DRAM1: variants seen among roughly 807,000 people sequenced by gnomAD.
DRAM1 encodes the protein DNA damage-regulated autophagy modulator protein 1.
DRAM1 carries 25 observed loss-of-function variants against 28.5 expected under a neutral mutation model. The ratio of observed to expected loss-of-function variants is 0.88; its 90% CI spans 0.64 to 1.23. The LOEUF (loss-of-function observed/expected upper bound fraction) is 1.23. DRAM1 is among the 50% of genes most tolerant of loss of function. DRAM1 has a pLI of 0.00. For synonymous variants in DRAM1, 113 were observed against 114.2 expected (o/e 0.99, Z 0.07); for missense variants, 249 against 299.2 (o/e 0.83, Z 1.24).
At chr12:101,918,331 A>G (rs1874335091) in intron 5 of DRAM1, among the ~76,000 whole-genome samples, 1 of 152,236 alleles carries the variant, frequency 6.6e-6, no homozygotes, top group Admixed American at 6.5e-5. Context: ...TATCATGCTT[A>G]AGAAATTCCC....
chr12:101,920,741 G>A (rs974860315), intron 6 of DRAM1, among the ~76,000 whole-genome samples: 22 of 151,888 alleles, frequency 1.4e-4, no homozygotes, highest in African/African-American at 4.4e-4. Flanking sequence ...GAGAAACCCC[G>A]TCTCTACTAA....
At chr12:101,882,030 G>T (rs1459520021) in intron 1 of DRAM1, among the ~76,000 whole-genome samples, 1 of 151,970 alleles carries the variant, frequency 6.6e-6, no homozygotes, top group East Asian at 1.9e-4. Context: ...CTGTTTGGTG[G>T]CTAGTCAGTG....
intron 1 of DRAM1, among the ~76,000 whole-genome samples, chr12:101,887,827 C>G (rs549746397): frequency 6.6e-6 from 1 of 152,156 alleles, no homozygotes; most frequent in Non-Finnish European, 1.5e-5. Context: ...GCATGAGCCA[C>G]TGTGCCTGGC....
intron 1 of DRAM1, among the ~76,000 whole-genome samples, chr12:101,889,646 A>G (rs150670256): frequency 4.6e-5 from 7 of 152,332 alleles, no homozygotes; most frequent in African/African-American, 1.7e-4. Flanking sequence ...CATCTTTAAG[A>G]TGGCAATAGT....
In DRAM1 at chr12:101,897,847, T is replaced by G; in HGVS notation, c.132-16T>G. 1 of 1,596,102 alleles carries G rather than the reference T, an allele frequency of 6.3e-7. No individual in the cohort carries two copies. The highest frequency in any genetic ancestry group is 8.6e-7 in the Non-Finnish European group (1 of 1,165,448). On this transcript the variant is annotated splice_polypyrimidine_tract_variant and intron_variant, in intron 1 of 6. Coordinates refer to ENST00000258534, the MANE Select transcript of DRAM1 (RefSeq NM_018370.3). ...AATTTCTTTCTAATAATTTGGACAT[T>G]TCTTCCCTTTGCCAGTGATACGGGA...
At chr12:101,920,023 T>C in intron 5 of DRAM1, 86 bp from the exon 6 acceptor site, 1 of 938,052 alleles carries the variant, frequency 1.1e-6, no homozygotes, top group South Asian at 2.2e-5. Flanking sequence ...GCTTTTTCCT[T>C]TGGTTGAAAC....
At chr12:101,909,144 C>T (rs1873940050) in intron 4 of DRAM1, among the ~76,000 whole-genome samples, 1 of 151,852 alleles carries the variant, frequency 6.6e-6, no homozygotes, top group Admixed American at 6.6e-5. Flanking sequence ...GCCTGTAATC[C>T]CAGCTACTTG....
In DRAM1 at chr12:101,892,163, A is replaced by G. The variant is rs144376645; in HGVS notation, c.132-5700A>G. ...CAAAAGTAAAAAATATTTACTTAATATATAAAATCAGACGTGGAAAGACAT... is the reference window on the plus strand; with the variant it reads ...CAAAAGTAAAAAATATTTACTTAATGTATAAAATCAGACGTGGAAAGACAT... On this transcript the variant is annotated intron_variant, in intron 1 of 6. Transcript: ENST00000258534. Among the ~76,000 whole-genome samples, 595 of 152,306 alleles carry G rather than the reference A, an allele frequency of 3.9e-3. 4 individuals carry two copies. The highest frequency in any genetic ancestry group is 0.014 in the African/African-American group (563 of 41,574).
chr12:101,878,254 A>T (rs758980226), intron 1 of DRAM1, among the ~76,000 whole-genome samples: 18 of 152,178 alleles, frequency 1.2e-4, no homozygotes, highest in Non-Finnish European at 2.5e-4. Context: ...CTGATAGATG[A>T]CATATATTAT....
intron 1 of DRAM1, among the ~76,000 whole-genome samples, chr12:101,892,869 T>C (rs1220894658): frequency 6.6e-6 from 1 of 152,224 alleles, no homozygotes; most frequent in Non-Finnish European, 1.5e-5. Flanking sequence ...GATGAATGAG[T>C]AAATTCTATA....
chr12:101,898,339 A>G (rs1157778009), intron 2 of DRAM1, among the ~76,000 whole-genome samples: 1 of 152,150 alleles, frequency 6.6e-6, no homozygotes, highest in African/African-American at 2.4e-5. Context: ...TAATTTTTTT[A>G]AAAGCACAAT....
At chr12:101,888,052 CG>C (rs1872955334) in intron 1 of DRAM1, among the ~76,000 whole-genome samples, 3 of 152,118 alleles carry the variant, frequency 2.0e-5, no homozygotes, top group African/African-American at 7.2e-5. Context: ...ATTATAACCT[CG>C]TAGTATTTCT....
At chr12:101,898,557 A>G (rs190790817) in intron 2 of DRAM1, among the ~76,000 whole-genome samples, 3 of 152,358 alleles carry the variant, frequency 2.0e-5, no homozygotes, top group Admixed American at 2.0e-4. Flanking sequence ...TATGTAAGCC[A>G]AAGACACCCA....
intron 1 of DRAM1, among the ~76,000 whole-genome samples, chr12:101,889,425 T>A (rs1873011071): frequency 6.6e-6 from 1 of 151,510 alleles, no homozygotes; most frequent in Non-Finnish European, 1.5e-5. Flanking sequence ...TTCTTTTCCC[T>A]ATTAAACCTC....
chr12:101,905,110 G>A (rs112359931), intron 3 of DRAM1, among the ~76,000 whole-genome samples: 10 of 152,010 alleles, frequency 6.6e-5, no homozygotes, highest in African/African-American at 2.4e-4. Flanking sequence ...ATGTTTCTGA[G>A]GCTGTTCTTC....
chr12:101,880,941 A>G (rs1184076282), intron 1 of DRAM1, among the ~76,000 whole-genome samples: 1 of 152,104 alleles, frequency 6.6e-6, no homozygotes, highest in Non-Finnish European at 1.5e-5. Context: ...CACAACAAAC[A>G]TTTGTACTGA....
intron 1 of DRAM1, among the ~76,000 whole-genome samples, chr12:101,886,473 T>C (rs550155397): frequency 5.3e-5 from 8 of 152,222 alleles, no homozygotes; most frequent in East Asian, 3.9e-4. Flanking sequence ...CCAGTCCACA[T>C]TGGGCTGGAT....
chr12:101,905,491 A>G (rs1367385588), intron 3 of DRAM1, among the ~76,000 whole-genome samples: 6 of 151,932 alleles, frequency 3.9e-5, no homozygotes, highest in Non-Finnish European at 7.4e-5. Flanking sequence ...CACATTGCCC[A>G]GGTTGGTCTT....
chr12:101,897,065 G>A (rs942825282), intron 1 of DRAM1, among the ~76,000 whole-genome samples: 2 of 152,088 alleles, frequency 1.3e-5, no homozygotes, highest in East Asian at 3.8e-4. Flanking sequence ...GGGATTACAG[G>A]CGTGAGCCAC....
Sources: gnomAD v4.1 joint callset for allele counts (sites outside exome capture counted in the v4.1 genomes callset) on GRCh38, gnomAD v4.1.1 for gene constraint, MANE v1.5 for transcripts, NCBI Gene and HGNC (gene_info 2026-07-23, HGNC 2026-07-21) for gene names.